The following RYR1 variants were observed in gnomAD, a reference collection of about 807,000 sequenced individuals.
RYR1 encodes ryanodine receptor 1.
In RYR1, 342 loss-of-function variants were observed where a neutral mutation model predicts 583.5. The observed-to-expected ratio is 0.59, with a 90% CI of 0.54 to 0.64. The LOEUF is 0.64. Among genes scored for constraint, RYR1 ranks in the 30% least tolerant of loss-of-function variants. The pLI is 0.00. For synonymous variants in RYR1, 2,791 were observed against 2,822.5 expected (o/e 0.99, Z 0.35); for missense variants, 6,032 against 6,917.2 (o/e 0.87, Z 4.54).
At chr19:38,552,767 C>T (rs1296875926) in intron 89 of RYR1, among the ~76,000 whole-genome samples, 3 of 152,140 alleles carry the variant, frequency 2.0e-5, no homozygotes, top group African/African-American at 4.8e-5. Flanking sequence ...GGCTGGGGGT[C>T]TCAGCCCTAC....
rs1197172519 is a variant in RYR1, at chr19:38,581,328, G to C, written c.14646+824G>C. Among the ~76,000 whole-genome samples, 5 of 151,972 alleles carry C rather than the reference G, an allele frequency of 3.3e-5. No homozygotes were observed. In the East Asian group the frequency reaches 5.8e-4, roughly 18 times the overall value. The stretch of plus-strand genomic sequence containing the variant: ...TCCTGACCTGGTGATCCGCCCGCCT[G>C]GGCCTCCCAAAGTGCTGGGATTACA... On this transcript the variant is annotated intron_variant, in intron 101 of 105. Coordinates refer to ENST00000359596, the MANE Select transcript of RYR1 (RefSeq NM_000540.3).
chr19:38,508,813 T>A (rs1167670010), intron 58 of RYR1, among the ~76,000 whole-genome samples: 2 of 151,160 alleles, frequency 1.3e-5, no homozygotes, highest in African/African-American at 4.9e-5. Flanking sequence ...TTACCTGGAA[T>A]GAGATGGAGT....
Position 38,455,325 on chromosome 19 carries a change from G to T in RYR1, c.1531G>T (p.Ala511Ser), listed in dbSNP as rs762833326. ...HFAEFAGEEA[A>S]ESWKEIVNLL... ...TGCTGAGTTTGCAGGGGAGGAGGCA[G>T]CCGAGTCCTGGAAAGAGATTGTGAA... Residue 511 changes from alanine (A) to serine (S), a missense_variant, in exon 14 of 106, where the codon GCC becomes TCC. This residue lies in a region of RYR1 where 2,627 missense variants were observed against 2,961.3 expected (regional missense o/e 0.89). Coordinates refer to ENST00000359596, the MANE Select transcript of RYR1 (RefSeq NM_000540.3). 8 of 1,614,028 alleles carry T rather than the reference G, an allele frequency of 5.0e-6. No individual in the cohort carries two copies. In the South Asian group the frequency reaches 7.7e-5, roughly 16 times the overall value.
chr19:38,575,927 C>T lies in RYR1; in HGVS notation c.14138C>T (p.Pro4713Leu). Reference sequence around the variant, plus strand: ...TCTCTCTCTCTCTGCAGGTCTTTCCCTAGCAACTACTGGGACAAGTTTGTC... The same window carrying T: ...TCTCTCTCTCTCTGCAGGTCTTTCCTTAGCAACTACTGGGACAAGTTTGTC... ...DRLVLNTPSF[P>L]SNYWDKFVKR... is the part of the protein sequence containing the mutation. Residue 4713 changes from proline to leucine, a missense_variant, in exon 97 of 106, where the codon CCT becomes CTT. Physicochemically the swap from Pro to Leu is moderately conservative, Grantham distance 98. Transcript: ENST00000359596. 1 of 1,614,186 alleles carries T rather than the reference C, an allele frequency of 6.2e-7. No homozygotes were observed. The highest frequency in any genetic ancestry group is 1.6e-4 in the Middle Eastern group (1 of 6,062).
At chr19:38,562,524 G>A (rs550999161) in intron 90 of RYR1, among the ~76,000 whole-genome samples, 18 of 152,124 alleles carry the variant, frequency 1.2e-4, no homozygotes, top group African/African-American at 2.7e-4. Flanking sequence ...TTGCGCACCC[G>A]TCACCTCCTT....
rs74481153 is a variant in RYR1, at chr19:38,506,420, G to C, written c.8616+43G>C. ...TTTGGGGGGACATAGGGTGTCTTTG[G>C]GGGGGCTGGCATCCTCTGAATCTAG... On this transcript the variant is annotated intron_variant, in intron 55 of 105. Coordinates refer to ENST00000359596, the MANE Select transcript of RYR1 (RefSeq NM_000540.3). 9.8e-4 allele frequency: 1,580 copies of C among 1,613,690 alleles called. 10 individuals carry two copies. In the African/African-American group the frequency reaches 0.015, roughly 15 times the overall value.
intron 76 of RYR1, among the ~76,000 whole-genome samples, chr19:38,532,156 C>G (rs112437346): frequency 0.091 from 13,512 of 147,870 alleles, 749 homozygotes; most frequent in South Asian, 0.25. Flanking sequence ...GAGTCTTGCT[C>G]TGTCACCCAG....
chr19:38,570,407 G>A (rs1973661630), intron 93 of RYR1, among the ~76,000 whole-genome samples, 200 bp from the exon 94 acceptor site: 1 of 152,088 alleles, frequency 6.6e-6, no homozygotes, highest in South Asian at 2.1e-4. Context: ...AGCCAAGATC[G>A]CACCACTGCA....
At chr19:38,566,647 G>T (rs1474450795) in intron 91 of RYR1, among the ~76,000 whole-genome samples, 1 of 151,936 alleles carries the variant, frequency 6.6e-6, no homozygotes, top group African/African-American at 2.4e-5. Context: ...AGGTCAAGGT[G>T]GTGGGAAGCC....
rs2145453131 is a variant in RYR1 at position 38,467,615 on chromosome 19, G to GAGAC, written c.3184_3185insAGAC (p.Val1062GlufsTer9). ...CTGCCTGGCCTCATTTATAGGTCAG[G>GAGAC]TGGAGAACCAGTCTCGTTGTGACCG... is the stretch of plus-strand genomic sequence containing the variant. On this transcript the variant is annotated frameshift_variant, in exon 25 of 106. Coordinates refer to ENST00000359596, the MANE Select transcript of RYR1 (RefSeq NM_000540.3). LOFTEE classifies it high-confidence loss of function. 1 of 1,614,188 alleles carries GAGAC rather than the reference G, an allele frequency of 6.2e-7. No individual in the cohort carries two copies.
In RYR1 at chr19:38,528,317, T is replaced by C. The variant is rs552255627; in HGVS notation, c.10836T>C (p.Pro3612=). Reference sequence around the variant, plus strand: ...TATCCCCTCCCCAGACCGAGCACCCTTACAAGTCTAAGAAGGCCGTGTGGC... The same window carrying C: ...TATCCCCTCCCCAGACCGAGCACCCCTACAAGTCTAAGAAGGCCGTGTGGC... ...VLYYLDQTEH[P]YKSKKAVWHK... is the part of the protein sequence containing the mutation. The change falls in exon 74 of 106, where the codon CCT becomes CCC. Residue 3612 remains proline, a synonymous_variant. Transcript: ENST00000359596. 1 of 1,614,072 alleles carries C rather than the reference T, an allele frequency of 6.2e-7. No homozygotes were observed. The highest frequency in any genetic ancestry group is 1.3e-5 in the African/African-American group (1 of 75,024).
In RYR1 at chr19:38,473,245, G is replaced by T; in HGVS notation, c.3766-132G>T. The T allele has an allele frequency of 2.0e-5, 23 of 1,147,348 alleles. No homozygotes were observed. In the South Asian group the frequency reaches 2.5e-4, roughly 12 times the overall value. The allele number at this position is 1,147,348 out of a possible 1,614,324, so 71.1% of individuals were successfully genotyped here. ...GGGAGCTTCATCCCCCTGCAGGAGT[G>T]GGGGGCCCTTGACTAATTCCCATGC... is the stretch of plus-strand genomic sequence containing the variant. On this transcript the variant is annotated intron_variant, in intron 27 of 105. Coordinates refer to ENST00000359596, the MANE Select transcript of RYR1 (RefSeq NM_000540.3).
intron 13 of RYR1, 76 bp from the exon 14 acceptor site, chr19:38,455,158 AT>A: frequency 6.5e-7 from 1 of 1,538,682 alleles, no homozygotes; most frequent in Non-Finnish European, 9.0e-7. Context: ...AGGAATATGA[AT>A]TCGTGAATCC....
At chr19:38,494,197 A>G (rs1307402190) in intron 38 of RYR1, among the ~76,000 whole-genome samples, 155 bp from the exon 39 acceptor site, 1 of 152,218 alleles carries the variant, frequency 6.6e-6, no homozygotes, top group African/African-American at 2.4e-5. Context: ...ACAATCTGCT[A>G]GAATCTGCCT....
Position 38,507,796 on chromosome 19 carries a change from G to T in RYR1, c.8901G>T (p.Met2967Ile). Residue 2967 changes from methionine to isoleucine, a missense_variant, in exon 58 of 106, where the codon ATG becomes ATT. Met to Ile is a conservative substitution (Grantham distance 10). Around this residue, in one of 11 missense-constraint regions of RYR1, gnomAD observed 1,493 missense variants for 1,715.5 expected, o/e 0.87. Transcript: ENST00000359596. ...TCCTGCAGCAGCTGCTGCGCTGGAT[G>T]GACATTTCTCAGGAGTTCATTGCCC... ...FGFLQQLLRW[M>I]DISQEFIAHL... The T allele has an allele frequency of 6.2e-7, 1 of 1,613,566 alleles. No homozygotes were observed. Among genetic ancestry groups the T allele is most frequent in the East Asian group, 2.2e-5 (1 of 44,880 alleles).
intron 101 of RYR1, among the ~76,000 whole-genome samples, chr19:38,581,483 G>A (rs1307565740): frequency 4.6e-5 from 7 of 152,148 alleles, no homozygotes; most frequent in African/African-American, 1.7e-4. Flanking sequence ...CCAAAGTGCT[G>A]GGATTACAGG....
chr19:38,442,316 T>C (rs1356224626), intron 2 of RYR1, 33 bp from the exon 3 acceptor site: 1 of 1,416,106 alleles, frequency 7.1e-7, no homozygotes, highest in Non-Finnish European at 1.0e-6. Context: ...GGGGGTCTTC[T>C]GACCCCTCAC....
In RYR1 at chr19:38,576,096, T is replaced by A. The variant is rs948818679; in HGVS notation, c.14172+135T>A. Reference sequence around the variant, plus strand: ...TTTGCCTTTCTGAGTAGCACCTCAGTTTCCCCATGGGGAGATGGGCATAGT... The same window carrying A: ...TTTGCCTTTCTGAGTAGCACCTCAGATTCCCCATGGGGAGATGGGCATAGT... On this transcript the variant is annotated intron_variant, in intron 97 of 105. Transcript: ENST00000359596. 3.2e-6 allele frequency: 3 copies of A among 925,230 alleles called. No homozygotes were observed. The African/African-American group carries it at 4.9e-5, about 15-fold the overall frequency. The allele number at this position is 925,230 out of a possible 1,614,324, so 57.3% of individuals were successfully genotyped here.
intron 72 of RYR1, 68 bp downstream of exon 72, chr19:38,527,120 G>A: frequency 6.4e-7 from 1 of 1,557,958 alleles, no homozygotes; most frequent in Non-Finnish European, 8.8e-7. Context: ...GTGAAGGTTT[G>A]AGCATTTACC....
Sources: gnomAD v4.1 joint callset for allele counts (sites outside exome capture counted in the v4.1 genomes callset) on GRCh38, gnomAD v4.1.1 for gene constraint, gnomAD v4.1.1 regional missense constraint, MANE v1.5 for transcripts, NCBI Gene and HGNC (gene_info 2026-07-23, HGNC 2026-07-21) for gene names.